SMIM23: variants seen among roughly 807,000 people sequenced by gnomAD.
SMIM23 encodes the protein small integral membrane protein 23.
In SMIM23, 10 loss-of-function variants were observed where a neutral mutation model predicts 12.8. The observed-to-expected ratio is 0.78, with a 90% CI of 0.48 to 1.32. SMIM23 has a LOEUF of 1.32. Ranked by LOEUF, SMIM23 falls within the 40% of genes most tolerant of loss-of-function variation. SMIM23 has a pLI of 0.00. For synonymous variants in SMIM23, 78 were observed against 80.1 expected (o/e 0.97, Z 0.14); for missense variants, 184 against 198.2 (o/e 0.93, Z 0.43).
Position 171,787,004 on chromosome 5 carries a change from C to CT in SMIM23, c.105+1060dup, listed in dbSNP as rs202159150. Among the ~76,000 whole-genome samples, 533 of 71,214 alleles carry CT rather than the reference C, an allele frequency of 7.5e-3. 20 individuals carry two copies. The highest frequency in any genetic ancestry group is 0.017 in the East Asian group (45 of 2,674). 46.7% of individuals were successfully genotyped at this position (71,214 alleles called of 152,430 possible). The stretch of plus-strand genomic sequence containing the variant: ...GATTCTACCAGAGTCCCATTGTTTC[C>CT]TTTTTTTTTTTTTTTTTTTTTTTTT... On this transcript the variant is annotated intron_variant, in intron 1 of 3. Transcript: ENST00000523047.
At chr5:171,789,885 A>G (rs1040653413) in intron 1 of SMIM23, among the ~76,000 whole-genome samples, 3 of 152,234 alleles carry the variant, frequency 2.0e-5, no homozygotes, top group Non-Finnish European at 2.9e-5. Context: ...GACATTCATC[A>G]ATACTCATCA....
chr5:171,785,401 G>GT (rs113319310), upstream of SMIM23, among the ~76,000 whole-genome samples: 10,231 of 136,360 alleles, frequency 0.075, 403 homozygotes, highest in African/African-American at 0.11. Flanking sequence ...AGCTTTTATT[G>GT]TTTTTTTTTT....
At chr5:171,778,848 T>A (rs17073958), upstream of SMIM23, among the ~76,000 whole-genome samples, 1,773 of 152,236 alleles carry the variant, frequency 0.012, 35 homozygotes, top group African/African-American at 0.04. Context: ...CCAGTATTCC[T>A]TTCTGGTTCA....
chr5:171,778,447 TCACACACACACACACA>T (rs4041455), upstream of SMIM23, among the ~76,000 whole-genome samples: 148 of 141,644 alleles, frequency 1.0e-3, no homozygotes, highest in Non-Finnish European at 1.6e-3. Context: ...TGGGAAAATT[TCACACACACACACACA>T]CACACACACA....
upstream of SMIM23, among the ~76,000 whole-genome samples, chr5:171,785,550 T>C (rs1211052116): frequency 6.6e-6 from 1 of 152,142 alleles, no homozygotes; most frequent in African/African-American, 2.4e-5. Flanking sequence ...GCACCCAAAC[T>C]ATTGTTTTTA....
intron 3 of SMIM23, 58 bp downstream of exon 3, chr5:171,790,607 G>T: frequency 2.0e-6 from 3 of 1,485,836 alleles, no homozygotes; most frequent in Non-Finnish European, 2.7e-6. Flanking sequence ...TCCAGAGGAG[G>T]TGTCATTGGC....
At chr5:171,778,453 A>AT (rs1561587963), upstream of SMIM23, among the ~76,000 whole-genome samples, 3 of 71,810 alleles carry the variant, frequency 4.2e-5, no homozygotes, top group East Asian at 7.5e-4. Context: ...AATTTCACAC[A>AT]CACACACACA....
upstream of SMIM23, among the ~76,000 whole-genome samples, chr5:171,783,955 G>A (rs548850214): frequency 1.3e-5 from 2 of 152,140 alleles, no homozygotes; most frequent in Non-Finnish European, 2.9e-5. Flanking sequence ...ATGAAAAGAC[G>A]TTCGGGCAGG....
At chr5:171,778,447 TCACACA>T (rs4041455), upstream of SMIM23, among the ~76,000 whole-genome samples, 32,494 of 141,344 alleles carry the variant, frequency 0.23, 4,003 homozygotes, top group African/African-American at 0.35. Flanking sequence ...TGGGAAAATT[TCACACA>T]CACACACACA....
the SMIM23 span, among the ~76,000 whole-genome samples, chr5:171,775,752 T>C: frequency 1.3e-5 from 2 of 152,340 alleles, no homozygotes; most frequent in South Asian, 2.1e-4. Flanking sequence ...CTTAATTCAG[T>C]GCTTAACAGT....
the SMIM23 span, among the ~76,000 whole-genome samples, chr5:171,777,363 C>T: frequency 1.8e-4 from 28 of 152,288 alleles, no homozygotes; most frequent in Middle Eastern, 3.4e-3. Context: ...GGCAGCCGAA[C>T]GCCTCATAAA....
chr5:171,785,998 G>C, intron 1 of SMIM23, 22 bp downstream of exon 1: 1 of 1,523,316 alleles, frequency 6.6e-7, no homozygotes, highest in Non-Finnish European at 8.8e-7. Flanking sequence ...CCAGGTACAT[G>C]CTGCTTTCCT....
the SMIM23 span, among the ~76,000 whole-genome samples, chr5:171,777,373 A>G: frequency 6.6e-6 from 1 of 152,180 alleles, no homozygotes; most frequent in Non-Finnish European, 1.5e-5. Context: ...CGCCTCATAA[A>G]TTAATCCTGT....
the SMIM23 span, among the ~76,000 whole-genome samples, chr5:171,773,310 A>G: frequency 6.6e-6 from 1 of 151,614 alleles, no homozygotes; most frequent in South Asian, 2.1e-4. Flanking sequence ...GCTGCACAGC[A>G]AGGGCTGGAT....
chr5:171,788,169 CACAA>C (rs1328494530), intron 1 of SMIM23, among the ~76,000 whole-genome samples: 14 of 134,244 alleles, frequency 1.0e-4, no homozygotes, highest in African/African-American at 3.9e-4. Context: ...TGCACACACA[CACAA>C]ACACACACAC....
the SMIM23 span, among the ~76,000 whole-genome samples, chr5:171,773,366 G>A: frequency 1.3e-4 from 4 of 31,800 alleles, no homozygotes; most frequent in Admixed American, 8.1e-4. Flanking sequence ...GGAGATGCAC[G>A]ACCTTTGAGG....
the SMIM23 span, among the ~76,000 whole-genome samples, chr5:171,775,553 G>A: frequency 2.9e-4 from 44 of 152,238 alleles, no homozygotes; most frequent in East Asian, 5.8e-4. Flanking sequence ...TTGACTTACC[G>A]TAAGTGCCTC....
chr5:171,785,716 A>C (rs1032235085), upstream of SMIM23: 2 of 574,868 alleles, frequency 3.5e-6, no homozygotes, highest in Admixed American at 5.7e-5. Flanking sequence ...GGGACTAAAA[A>C]TCAGGGTGGT....
At position 171,785,948 on chromosome 5, in the gene SMIM23, G is replaced by C; in HGVS notation, c.77G>C (p.Arg26Thr). The stretch of plus-strand genomic sequence containing the variant: ...GCAGCCCAGCTGCTTGAACGGAGAA[G>C]GGGCAGCCACTGTGATGACGAGAAG... ...QVAAQLLERR[R>T]GSHCDDEKQT... The change falls in exon 1 of 4, where the codon AGG becomes ACG. Residue 26 changes from arginine (R) to threonine (T), a missense_variant. Arg to Thr is a moderately conservative substitution (Grantham distance 71). Coordinates refer to ENST00000523047, the MANE Select transcript of SMIM23 (RefSeq NM_001289970.2). The C allele has an allele frequency of 6.5e-7, 1 of 1,536,280 alleles. No homozygotes were observed. The highest frequency in any genetic ancestry group is 8.7e-7 in the Non-Finnish European group (1 of 1,146,928).
Sources: allele counts gnomAD v4.1 joint callset (sites outside exome capture counted in the v4.1 genomes callset), GRCh38; gene constraint gnomAD v4.1.1; transcripts MANE v1.5; gene names NCBI Gene and HGNC (gene_info 2026-07-23, HGNC 2026-07-21).